NEDD1: variants seen among roughly 807,000 people sequenced by gnomAD.
NEDD1 encodes protein NEDD1.
Under a neutral mutation model 74.0 loss-of-function variants are expected in NEDD1, and 33 were observed. That is an observed-to-expected ratio of 0.45 (90% CI 0.34 to 0.60). NEDD1 has a LOEUF of 0.60. NEDD1 is among the 20% of genes least tolerant of loss of function. The pLI, the probability that NEDD1 is intolerant of heterozygous loss-of-function variation, is 0.01. For synonymous variants in NEDD1, 250 were observed against 264.4 expected, an observed-to-expected ratio of 0.95 and a Z score of 0.53; for missense variants, 746 against 776.5, an observed-to-expected ratio of 0.96 and a Z score of 0.47.
In NEDD1 at chr12:96,952,182, G is replaced by A; in HGVS notation, c.*129G>A. ...TTTCAAGTAAGAGTAAAAGGATGATGGGATTTTATACCAACAACTGTTTCA... is the reference window on the plus strand; with the variant it reads ...TTTCAAGTAAGAGTAAAAGGATGATAGGATTTTATACCAACAACTGTTTCA... On this transcript the variant is annotated 3_prime_UTR_variant, in exon 16 of 16. Transcript: ENST00000266742. The A allele has an allele frequency of 1.7e-6, 1 of 586,620 alleles. No individual in the cohort carries two copies. Among genetic ancestry groups the A allele is most frequent in the Non-Finnish European group, 3.0e-6 (1 of 331,546 alleles). The allele number at this position is 586,620 out of a possible 1,614,324, so 36.3% of individuals were successfully genotyped here.
At chr12:96,941,582 G>T (rs1467791887) in intron 10 of NEDD1, among the ~76,000 whole-genome samples, 1 of 152,092 alleles carries the variant, frequency 6.6e-6, no homozygotes, top group Non-Finnish European at 1.5e-5. Context: ...ACTAGTGCTG[G>T]AGTTGAGAAA....
At chr12:96,930,207 ACACACT>A (rs1406940866) in intron 6 of NEDD1, among the ~76,000 whole-genome samples, 42 of 91,232 alleles carry the variant, frequency 4.6e-4, no homozygotes, top group Admixed American at 6.0e-4. Context: ...ACACACACAC[ACACACT>A]CTCTCTCTCT....
rs2136640478 is a variant in NEDD1, at chr12:96,953,567, A to G, written c.*1514A>G. On this transcript the variant is annotated 3_prime_UTR_variant, in exon 16 of 16. Transcript: ENST00000266742. Reference sequence around the variant, plus strand: ...TGCTTTTTTAAAAAAATAAATACACATAATGTATATTAAAAGAGGTGGGAT... The same window carrying G: ...TGCTTTTTTAAAAAAATAAATACACGTAATGTATATTAAAAGAGGTGGGAT... 1 of 151,592 alleles carries G rather than the reference A, an allele frequency of 6.6e-6. No individual in the cohort carries two copies. The highest frequency in any genetic ancestry group is 2.1e-4 in the South Asian group (1 of 4,832). The allele number at this position is 151,592 out of a possible 1,614,324, so 9.4% of individuals were successfully genotyped here.
chr12:96,921,472 C>T (rs1328219664), intron 6 of NEDD1, among the ~76,000 whole-genome samples: 2 of 152,164 alleles, frequency 1.3e-5, no homozygotes, highest in African/African-American at 2.4e-5. Flanking sequence ...TGAGCCACTG[C>T]ACCCAGCCAG....
In NEDD1 at chr12:96,923,552, G is replaced by T. The variant is rs151277457; in HGVS notation, c.489+3427G>T. 1.7e-4 allele frequency among the ~76,000 whole-genome samples: 26 copies of T among 152,212 alleles called. No individual in the cohort carries two copies. In the East Asian group the frequency reaches 5.0e-3, roughly 29 times the overall value. ...GCCACTTTGATGGTTATGTAGTGCT[G>T]TCTCATGGTGGTTTTAATTTGCATT... On this transcript the variant is annotated intron_variant, in intron 6 of 15. Transcript: ENST00000266742.
At chr12:96,937,524 T>C (rs527984347) in intron 9 of NEDD1, 131 bp downstream of exon 9, 14 of 453,758 alleles carry the variant, frequency 3.1e-5, no homozygotes, top group African/African-American at 2.6e-4. Context: ...TAGGTAAAAT[T>C]AGTAGAAGTG....
At position 96,921,473 on chromosome 12, in the gene NEDD1, A is replaced by T. The variant is rs563084455; in HGVS notation, c.489+1348A>T. On this transcript the variant is annotated intron_variant, in intron 6 of 15. Coordinates refer to ENST00000266742, the MANE Select transcript of NEDD1 (RefSeq NM_152905.4). The stretch of plus-strand genomic sequence containing the variant: ...TAGGATTACAGGTATGAGCCACTGC[A>T]CCCAGCCAGGGTTAGTCTTTTTCAC... Among the ~76,000 whole-genome samples the T allele has an allele frequency of 7.2e-5, 11 of 152,140 alleles. No individual in the cohort carries two copies. The East Asian group carries it at 1.5e-3, about 21-fold the overall frequency.
chr12:96,937,157 C>A, intron 8 of NEDD1, 41 bp from the exon 9 acceptor site: 1 of 1,163,756 alleles, frequency 8.6e-7, no homozygotes, highest in South Asian at 1.7e-5. Flanking sequence ...TAGTATGAAA[C>A]ATTAGTAACC....
At chr12:96,943,298 C>T (rs1302102835) in intron 11 of NEDD1, among the ~76,000 whole-genome samples, 2 of 152,092 alleles carry the variant, frequency 1.3e-5, no homozygotes, top group Admixed American at 6.6e-5. Context: ...AGTATTTTCA[C>T]AAATAATATC....
chr12:96,919,674 C>T lies in NEDD1; in HGVS notation c.349-311C>T, dbSNP rs571405051. ...GCTTCCATCATTCATTTAGCATATT[C>T]TCTGCCATTTTCATGTTAAAGCAGA... On this transcript the variant is annotated intron_variant, in intron 5 of 15. Transcript: ENST00000266742. Among the ~76,000 whole-genome samples, 3 of 152,308 alleles carry T rather than the reference C, an allele frequency of 2.0e-5. No homozygotes were observed. The South Asian group carries it at 6.2e-4, about 32-fold the overall frequency.
intron 4 of NEDD1, among the ~76,000 whole-genome samples, chr12:96,915,674 A>T (rs1415047445): frequency 6.6e-6 from 1 of 152,204 alleles, no homozygotes; most frequent in Non-Finnish European, 1.5e-5. Flanking sequence ...TAGGAAAAAA[A>T]TGCAACACTG....
At chr12:96,921,814 G>A (rs1418218022) in intron 6 of NEDD1, among the ~76,000 whole-genome samples, 1 of 148,654 alleles carries the variant, frequency 6.7e-6, no homozygotes, top group Admixed American at 6.7e-5. Context: ...CAGGGTCTCA[G>A]TATGTTGTCC....
At chr12:96,930,189 ACACACACACACACACACACACACT>A (rs1317958429) in intron 6 of NEDD1, among the ~76,000 whole-genome samples, 2,458 of 77,504 alleles carry the variant, frequency 0.032, 51 homozygotes, top group African/African-American at 0.093. Context: ...ACACACACAC[ACACACACACACACACACACACACT>A]CTCTCTCTCT....
chr12:96,935,109 C>T lies in NEDD1; in HGVS notation c.623C>T (p.Pro208Leu). 6.2e-7 allele frequency: 1 copy of T among 1,613,006 alleles called. No individual in the cohort carries two copies. The highest frequency in any genetic ancestry group is 8.5e-7 in the Non-Finnish European group (1 of 1,178,984). ...AACTTTGACAGTGTACACAAAGCTCCAGCGTCAGGCATCTGTTTTTCTCCT... is the reference window on the plus strand; with the variant it reads ...AACTTTGACAGTGTACACAAAGCTCTAGCGTCAGGCATCTGTTTTTCTCCT... Reference protein sequence around the residue: ...YHNFDSVHKAPASGICFSPVN... With the variant: ...YHNFDSVHKALASGICFSPVN... Residue 208 changes from proline to leucine, a missense_variant, in exon 7 of 16, where the codon CCA (proline) becomes CTA (leucine). Physicochemically the swap from Pro to Leu is moderately conservative, Grantham distance 98. Transcript: ENST00000266742.
intron 14 of NEDD1, among the ~76,000 whole-genome samples, chr12:96,946,684 T>C (rs1223634825): frequency 6.6e-6 from 1 of 152,206 alleles, no homozygotes; most frequent in African/African-American, 2.4e-5. Context: ...TGTGATGTAG[T>C]TGGGCTAGGT....
chr12:96,947,547 GCTGT>G (rs1270233145), intron 14 of NEDD1, among the ~76,000 whole-genome samples: 2 of 152,122 alleles, frequency 1.3e-5, no homozygotes, highest in Non-Finnish European at 2.9e-5. Flanking sequence ...AGTAATGGGT[GCTGT>G]CTATTTATTA....
chr12:96,917,680 AAAT>A lies in NEDD1; in HGVS notation c.294_296del (p.Asn99del). On this transcript the variant is annotated inframe_deletion, in exon 5 of 16. Transcript: ENST00000266742. ...CTATGTATTTGGTAAGCGGAGGCCT[AAAT>A]AACACTGTTAATATTTGGGATTTAA... 1 of 1,566,876 alleles carries A rather than the reference AAAT, an allele frequency of 6.4e-7. No individual in the cohort carries two copies. Among genetic ancestry groups the A allele is most frequent in the Non-Finnish European group, 8.6e-7 (1 of 1,165,704 alleles).
Position 96,926,604 on chromosome 12 carries a change from T to C in NEDD1, c.489+6479T>C, listed in dbSNP as rs79440468. On this transcript the variant is annotated intron_variant, in intron 6 of 15. Transcript: ENST00000266742. ...TTCCTGCAAGCAGTACTGCCTGTTT[T>C]ATCTGATTGTGGCCCAAAGCATCGA... 9.9e-3 allele frequency among the ~76,000 whole-genome samples: 1,513 copies of C among 152,174 alleles called. 68 individuals are homozygous for C. The highest frequency in any genetic ancestry group is 0.095 in the East Asian group (492 of 5,170).
At position 96,919,990 on chromosome 12, in the gene NEDD1, T is replaced by C; in HGVS notation, c.354T>C (p.His118=). Residue 118 remains histidine, a synonymous_variant, in exon 6 of 16, where the codon CAT becomes CAC. Coordinates refer to ENST00000266742, the MANE Select transcript of NEDD1 (RefSeq NM_152905.4). ...SKRVHRSLKD[H]KDQVTCVTYN... ...CTTTCATTTCTCTCTTTCAGGATCA[T>C]AAAGATCAAGTAACTTGTGTAACAT... is the stretch of plus-strand genomic sequence containing the variant. 2 of 1,604,604 alleles carry C rather than the reference T, an allele frequency of 1.2e-6. No homozygotes were observed. The highest frequency in any genetic ancestry group is 1.7e-6 in the Non-Finnish European group (2 of 1,173,392).
Sources: allele counts gnomAD v4.1 joint callset (sites outside exome capture counted in the v4.1 genomes callset), GRCh38; gene constraint gnomAD v4.1.1; transcripts MANE v1.5; gene names NCBI Gene and HGNC (gene_info 2026-07-23, HGNC 2026-07-21).